Variants in GRIP1 observed in about 807,000 individuals in gnomAD.
GRIP1 encodes the protein glutamate receptor-interacting protein 1.
GRIP1 carries 45 observed loss-of-function variants against 129.9 expected under a neutral mutation model. That is an observed-to-expected ratio of 0.35 (90% CI 0.27 to 0.44). GRIP1 has a LOEUF of 0.44. Ranked by LOEUF, GRIP1 falls within the 20% of genes least tolerant of loss-of-function variation. The probability of loss-of-function intolerance (pLI) is 1.00; values close to 1 mark genes in which losing one functional copy is unlikely to be tolerated. For missense variants in GRIP1, 1,196 were observed against 1,396.8 expected (o/e 0.86, Z 2.29); for synonymous variants, 530 against 520.8 (o/e 1.02, Z -0.24).
At chr12:66,581,256 C>T (rs1015806443) in intron 2 of GRIP1, among the ~76,000 whole-genome samples, 48 of 151,688 alleles carry the variant, frequency 3.2e-4, no homozygotes, top group South Asian at 6.3e-4. Flanking sequence ...TTCAAAGCAG[C>T]GTGTAGAGGG....
intron 2 of GRIP1, among the ~76,000 whole-genome samples, chr12:66,586,693 G>A (rs567658499): frequency 6.6e-6 from 1 of 152,260 alleles, no homozygotes; most frequent in Admixed American, 6.5e-5. Context: ...AATTATCCCA[G>A]ACTTCTCTTT....
At chr12:66,784,030 C>T (rs1344202715) in intron 1 of GRIP1, among the ~76,000 whole-genome samples, 1 of 152,024 alleles carries the variant, frequency 6.6e-6, no homozygotes, top group Non-Finnish European at 1.5e-5. Flanking sequence ...TCCATATAAT[C>T]GTCATAATTT....
rs561084463 is a variant in GRIP1 at position 66,980,593 on chromosome 12, G to C, written c.58+88457C>G. Among the ~76,000 whole-genome samples, 3 of 152,336 alleles carry C rather than the reference G, an allele frequency of 2.0e-5. No individual in the cohort carries two copies. In the East Asian group the frequency reaches 5.8e-4, roughly 29 times the overall value. On this transcript the variant is annotated intron_variant, in intron 1 of 1. Coordinates refer to the GRIP1 transcript ENST00000643019. ...ACCACTGCACTTCAGCCTGGCAACA[G>C]AGCGAGACTCCGTCTCAAAAGAAAA...
intron 1 of GRIP1, among the ~76,000 whole-genome samples, chr12:67,067,019 T>C (rs2043642148): frequency 1.3e-5 from 2 of 150,680 alleles, no homozygotes; most frequent in African/African-American, 4.9e-5. Context: ...CAAAAAGAAA[T>C]GCTACAACCA....
chr12:66,882,523 C>T (rs967983059), intron 1 of GRIP1, among the ~76,000 whole-genome samples: 16 of 152,254 alleles, frequency 1.1e-4, no homozygotes, highest in African/African-American at 3.9e-4. Flanking sequence ...CTTCTCTGTG[C>T]CTCAGTTCCC....
intron 1 of GRIP1, among the ~76,000 whole-genome samples, chr12:67,067,376 A>C (rs1458467121): frequency 6.6e-6 from 1 of 152,188 alleles, no homozygotes; most frequent in African/African-American, 2.4e-5. Flanking sequence ...GATACATTTA[A>C]TGCCAAGTAC....
intron 7 of GRIP1, among the ~76,000 whole-genome samples, chr12:66,494,409 T>C (rs2060182529): frequency 6.6e-6 from 1 of 152,212 alleles, no homozygotes; most frequent in African/African-American, 2.4e-5. Flanking sequence ...CTTTTACCTA[T>C]ACTTAAAACA....
At chr12:66,929,212 C>T (rs1592356113) in intron 1 of GRIP1, among the ~76,000 whole-genome samples, 1 of 152,192 alleles carries the variant, frequency 6.6e-6, no homozygotes, top group Non-Finnish European at 1.5e-5. Flanking sequence ...CACCTCAATG[C>T]CTTTGTTTGC....
intron 1 of GRIP1, among the ~76,000 whole-genome samples, chr12:66,943,762 G>C (rs2041624895): frequency 1.3e-5 from 2 of 152,146 alleles, no homozygotes; most frequent in Admixed American, 1.3e-4. Context: ...AGGATGTCCT[G>C]TGGTCCCTAA....
At chr12:66,679,818 C>T (rs535065666), upstream of GRIP1, among the ~76,000 whole-genome samples, 1 of 152,310 alleles carries the variant, frequency 6.6e-6, no homozygotes, top group African/African-American at 2.4e-5. Flanking sequence ...TCCCCCAAAC[C>T]ATTCTTCTCA....
intron 1 of GRIP1, among the ~76,000 whole-genome samples, chr12:66,609,653 A>ATAAATCTTGCC (rs1555216005): frequency 1.3e-5 from 2 of 152,324 alleles, no homozygotes; most frequent in Non-Finnish European, 1.5e-5. Context: ...ACTTTCTTCC[A>ATAAATCTTGCC]TAAATCTTGC....
At position 66,515,687 on chromosome 12, in the gene GRIP1, G is replaced by C; in HGVS notation, c.656C>G (p.Ala219Gly). 1.2e-6 allele frequency: 2 copies of C among 1,612,678 alleles called. No homozygotes were observed. Among genetic ancestry groups the C allele is most frequent in the Non-Finnish European group, 8.5e-7 (1 of 1,178,736 alleles). Residue 219 changes from alanine (A) to glycine (G), a missense_variant, in exon 7 of 25, where the codon GCC becomes GGC. Coordinates refer to ENST00000359742, the MANE Select transcript of GRIP1 (RefSeq NM_001366722.1). ...IRLLGTTHAE[A>G]MSILKQCGQE... is the part of the protein sequence containing the mutation. ...TCCACATTGTTTAAGAATACTCATGGCTTCAGCATGCGTAGTTCCAAGAAG... is the reference window on the plus strand; with the variant it reads ...TCCACATTGTTTAAGAATACTCATGCCTTCAGCATGCGTAGTTCCAAGAAG...
At chr12:66,811,473 T>C (rs1334362318) in intron 1 of GRIP1, among the ~76,000 whole-genome samples, 3 of 151,048 alleles carry the variant, frequency 2.0e-5, no homozygotes, top group Admixed American at 1.3e-4. Flanking sequence ...GTGCTAATTA[T>C]AGTGTCTTTT....
At chr12:66,610,214 A>T (rs2064731981) in intron 1 of GRIP1, among the ~76,000 whole-genome samples, 1 of 152,124 alleles carries the variant, frequency 6.6e-6, no homozygotes, top group Non-Finnish European at 1.5e-5. Flanking sequence ...ATATACATAT[A>T]TATACACACA....
intron 2 of GRIP1, among the ~76,000 whole-genome samples, chr12:66,582,448 A>G (rs904299864): frequency 6.7e-6 from 1 of 149,580 alleles, no homozygotes; most frequent in Admixed American, 6.7e-5. Context: ...TTCAATTAAG[A>G]AAAGAGGAAG....
chr12:66,939,435 C>A (rs1230532452), intron 1 of GRIP1, among the ~76,000 whole-genome samples: 1 of 152,120 alleles, frequency 6.6e-6, no homozygotes, highest in Non-Finnish European at 1.5e-5. Flanking sequence ...TGTTCCTGCC[C>A]TCAAATTGTT....
chr12:66,582,785 T>C (rs1390072218), intron 2 of GRIP1, among the ~76,000 whole-genome samples: 2 of 145,938 alleles, frequency 1.4e-5, no homozygotes, highest in Non-Finnish European at 3.0e-5. Context: ...GAACATTCCA[T>C]GCTCATGGGT....
At chr12:66,474,469 C>T (rs1255264310) in intron 7 of GRIP1, among the ~76,000 whole-genome samples, 5 of 152,018 alleles carry the variant, frequency 3.3e-5, no homozygotes, top group African/African-American at 9.7e-5. Context: ...ATTCAGGAAA[C>T]ACAGAGAATG....
intron 2 of GRIP1, among the ~76,000 whole-genome samples, chr12:66,583,554 T>A: frequency 7.6e-6 from 1 of 131,938 alleles, no homozygotes; most frequent in Admixed American, 7.9e-5. Context: ...CTCAAACCAA[T>A]TTACAAGAAA....
Sources: gnomAD v4.1 joint callset for allele counts (sites outside exome capture counted in the v4.1 genomes callset) on GRCh38, gnomAD v4.1.1 for gene constraint, MANE v1.5 for transcripts, NCBI Gene and HGNC (gene_info 2026-07-23, HGNC 2026-07-21) for gene names.